SNRPB2: variants seen among roughly 807,000 people sequenced by gnomAD.
SNRPB2 encodes small nuclear ribonucleoprotein polypeptide B2.
SNRPB2 carries 16 observed loss-of-function variants against 26.3 expected under a neutral mutation model. The observed-to-expected ratio is 0.61, with a 90% CI of 0.41 to 0.92. The LOEUF (loss-of-function observed/expected upper bound fraction) is 0.92. Among genes scored for constraint, SNRPB2 ranks in the 40% least tolerant of loss-of-function variants. The probability of loss-of-function intolerance (pLI) is 0.00; values close to 1 mark genes in which losing one functional copy is unlikely to be tolerated. For missense variants in SNRPB2, 179 were observed against 268.1 expected (o/e 0.67, Z 2.32); for synonymous variants, 75 against 89.0 (o/e 0.84, Z 0.88).
chr20:16,732,236 T>G lies in SNRPB2; in HGVS notation c.137T>G (p.Met46Arg). The change falls in exon 3 of 7, where the codon ATG becomes AGG. Residue 46 changes from methionine to arginine, a missense_variant. By Grantham distance (91) the Met-to-Arg change is moderately conservative. Transcript: ENST00000246071. Reference sequence around the variant, plus strand: ...GTGGACATTGTGGCTTTAAAGACCATGAAGATGAGGGGGCAGGCCTTTGTC... The same window carrying G: ...GTGGACATTGTGGCTTTAAAGACCAGGAAGATGAGGGGGCAGGCCTTTGTC... ...HVVDIVALKT[M>R]KMRGQAFVIF... is the part of the protein sequence containing the mutation. 1 of 1,602,614 alleles carries G rather than the reference T, an allele frequency of 6.2e-7. No homozygotes were observed.
chr20:16,736,154 C>T (rs969607126), intron 3 of SNRPB2, among the ~76,000 whole-genome samples: 3 of 152,132 alleles, frequency 2.0e-5, no homozygotes, highest in East Asian at 1.9e-4. Flanking sequence ...AAATACTACT[C>T]GCTGTTAAAA....
At chr20:16,736,555 T>C (rs1189601087) in intron 3 of SNRPB2, among the ~76,000 whole-genome samples, 1 of 152,234 alleles carries the variant, frequency 6.6e-6, no homozygotes, top group Admixed American at 6.5e-5. Flanking sequence ...TCTAGTTTTC[T>C]GCCAGAAAAG....
In SNRPB2 at chr20:16,732,225, T is replaced by G; in HGVS notation, c.126T>G (p.Ala42=). The G allele has an allele frequency of 6.2e-7, 1 of 1,604,820 alleles. No homozygotes were observed. Among genetic ancestry groups the G allele is most frequent in the Non-Finnish European group, 8.5e-7 (1 of 1,173,224 alleles). The change falls in exon 3 of 7, where the codon GCT becomes GCG. Residue 42 remains alanine (A), a synonymous_variant. Coordinates refer to ENST00000246071, the MANE Select transcript of SNRPB2 (RefSeq NM_003092.5). ...TTGGTCATGTGGTGGACATTGTGGC[T>G]TTAAAGACCATGAAGATGAGGGGGC... The part of the protein sequence containing the change: ...SQFGHVVDIV[A]LKTMKMRGQA...
chr20:16,734,205 AGATT>A (rs2072411023), intron 3 of SNRPB2, among the ~76,000 whole-genome samples: 1 of 152,164 alleles, frequency 6.6e-6, no homozygotes, highest in African/African-American at 2.4e-5. Flanking sequence ...AAAGTGTATT[AGATT>A]GATTATTATA....
At chr20:16,736,431 G>C (rs375151000) in intron 3 of SNRPB2, among the ~76,000 whole-genome samples, 15 of 152,090 alleles carry the variant, frequency 9.9e-5, no homozygotes, top group African/African-American at 3.6e-4. Context: ...CATCCAAAAA[G>C]TTACGATGCA....
At position 16,741,949 on chromosome 20, in the gene SNRPB2, TAAC is replaced by T. The variant is rs2072465468; in HGVS notation, c.*953_*955del. 2 of 152,192 alleles carry T rather than the reference TAAC, an allele frequency of 1.3e-5. No homozygotes were observed. Among genetic ancestry groups the T allele is most frequent in the Admixed American group, 1.3e-4 (2 of 15,274 alleles). The allele number at this position is 152,192 out of a possible 1,614,324, so 9.4% of individuals were successfully genotyped here. On this transcript the variant is annotated 3_prime_UTR_variant, in exon 7 of 7. Coordinates refer to ENST00000246071, the MANE Select transcript of SNRPB2 (RefSeq NM_003092.5). ...TTACAAGTATGGTACATATTAATAG[TAAC>T]AACAACAAAAAAGAAAACAGTACTT...
chr20:16,737,178 G>A, intron 3 of SNRPB2, 83 bp from the exon 4 acceptor site: 1 of 1,111,238 alleles, frequency 9.0e-7, no homozygotes, highest in Non-Finnish European at 1.3e-6. Flanking sequence ...TAGTGTATTT[G>A]CGTAATGAAA....
At chr20:16,740,449 C>T in intron 6 of SNRPB2, 36 bp downstream of exon 6, 1 of 1,605,656 alleles carries the variant, frequency 6.2e-7, no homozygotes. Context: ...TTTCTGAGAG[C>T]TTCCTCACAG....
chr20:16,733,284 A>G lies in SNRPB2; in HGVS notation c.237+948A>G, dbSNP rs551963991. Among the ~76,000 whole-genome samples, 11 of 152,330 alleles carry G rather than the reference A, an allele frequency of 7.2e-5. No individual in the cohort carries two copies. The South Asian group carries it at 1.0e-3, about 14-fold the overall frequency. ...ATACCTTAGGCTTTGTAAGCCATAT[A>G]TGGTTTCTGTTACCTGTTCTTTTAT... On this transcript the variant is annotated intron_variant, in intron 3 of 6. Transcript: ENST00000246071.
chr20:16,737,868 C>T (rs142137475), intron 4 of SNRPB2, among the ~76,000 whole-genome samples: 1 of 151,576 alleles, frequency 6.6e-6, no homozygotes, highest in African/African-American at 2.4e-5. Context: ...AACCCCGTCT[C>T]TACTAAAAAT....
intron 3 of SNRPB2, among the ~76,000 whole-genome samples, chr20:16,735,879 C>T (rs2072422909): frequency 6.6e-6 from 1 of 152,198 alleles, no homozygotes; most frequent in Non-Finnish European, 1.5e-5. Context: ...CATTCCCAGT[C>T]TTCTGTACTT....
intron 1 of SNRPB2, 131 bp from the exon 2 acceptor site, chr20:16,731,537 A>G: frequency 1.2e-6 from 1 of 849,498 alleles, no homozygotes; most frequent in Non-Finnish European, 1.8e-6. Flanking sequence ...TGCTGGAGAT[A>G]CAATAAAGGC....
intron 4 of SNRPB2, among the ~76,000 whole-genome samples, chr20:16,737,763 G>A (rs1460609700): frequency 6.6e-6 from 1 of 152,168 alleles, no homozygotes; most frequent in African/African-American, 2.4e-5. Context: ...CTGGCTGGGC[G>A]CAGTGGCTCT....
rs1031986443 is a variant in SNRPB2 at position 16,741,102 on chromosome 20, G to C, written c.*97G>C. ...CATTTTAATAGTTAGAGATGAGGAGGAGTAAAAGTGAAATTTTTGTGAAGG... is the reference window on the plus strand; with the variant it reads ...CATTTTAATAGTTAGAGATGAGGAGCAGTAAAAGTGAAATTTTTGTGAAGG... On this transcript the variant is annotated 3_prime_UTR_variant, in exon 7 of 7. Coordinates refer to ENST00000246071, the MANE Select transcript of SNRPB2 (RefSeq NM_003092.5). 2.4e-6 allele frequency: 2 copies of C among 837,364 alleles called. No individual in the cohort carries two copies. The highest frequency in any genetic ancestry group is 3.4e-5 in the African/African-American group (2 of 58,520). 51.9% of individuals were successfully genotyped at this position (837,364 alleles called of 1,614,324 possible).
At chr20:16,738,052 G>GAA (rs775932619) in intron 4 of SNRPB2, among the ~76,000 whole-genome samples, 6 of 127,708 alleles carry the variant, frequency 4.7e-5, no homozygotes, top group African/African-American at 1.4e-4. Flanking sequence ...AAAAAAAAAA[G>GAA]AAAAAAAAAA....
intron 2 of SNRPB2, 83 bp from the exon 3 acceptor site, chr20:16,732,081 G>C: frequency 1.3e-6 from 1 of 789,554 alleles, no homozygotes; most frequent in African/African-American, 1.8e-5. Context: ...TGGTGGGGGG[G>C]GCAACTCAAT....
intron 1 of SNRPB2, 45 bp from the exon 2 acceptor site, chr20:16,731,623 T>C: frequency 1.0e-5 from 16 of 1,557,530 alleles, no homozygotes; most frequent in Non-Finnish European, 1.4e-5. Context: ...TGTTGTGTCC[T>C]TATGCCACAG....
chr20:16,740,642 A>G (rs1196631766), intron 6 of SNRPB2, among the ~76,000 whole-genome samples: 2 of 152,204 alleles, frequency 1.3e-5, no homozygotes, highest in Non-Finnish European at 2.9e-5. Flanking sequence ...CAAAGCTTTG[A>G]TATAATATAA....
chr20:16,732,365 T>C, intron 3 of SNRPB2, 29 bp downstream of exon 3: 1 of 1,280,292 alleles, frequency 7.8e-7, no homozygotes, highest in Non-Finnish European at 1.1e-6. Context: ...TTCACTTTAA[T>C]CAAGAAATTA....
Sources: allele counts gnomAD v4.1 joint callset (sites outside exome capture counted in the v4.1 genomes callset), GRCh38; gene constraint gnomAD v4.1.1; transcripts MANE v1.5; gene names NCBI Gene and HGNC (gene_info 2026-07-23, HGNC 2026-07-21).